PDE12: variants seen among roughly 807,000 people sequenced by gnomAD.
PDE12 encodes the protein phosphodiesterase 12, also known as 2',5'-phosphodiesterase 12.
PDE12 carries 26 observed loss-of-function variants against 45.4 expected under a neutral mutation model. That is an observed-to-expected ratio of 0.57 (90% CI 0.42 to 0.79). PDE12 has a LOEUF of 0.79. PDE12 is among the 30% of genes least tolerant of loss of function. The pLI is 0.00. For synonymous variants in PDE12, 283 were observed against 323.9 expected, an observed-to-expected ratio of 0.87 and a Z score of 1.36; for missense variants, 668 against 790.0, an observed-to-expected ratio of 0.85 and a Z score of 1.85.
At chr3:57,598,802 A>C in the PDE12 span, among the ~76,000 whole-genome samples, 1 of 151,990 alleles carries the variant, frequency 6.6e-6, no homozygotes, top group Non-Finnish European at 1.5e-5. Context: ...ACAACAACAA[A>C]AAAACCCCAA....
At chr3:57,630,716 G>T in the PDE12 span, 1 of 1,611,400 alleles carries the variant, frequency 6.2e-7, no homozygotes, top group Non-Finnish European at 8.5e-7. Context: ...AAGACTAACC[G>T]GTAAAGTCCA....
At chr3:57,646,962 A>AT in the PDE12 span, among the ~76,000 whole-genome samples, 3 of 152,166 alleles carry the variant, frequency 2.0e-5, no homozygotes, top group Non-Finnish European at 4.4e-5. Context: ...AGTGCTGAGT[A>AT]TTTTTACAGC....
At chr3:57,654,413 T>C in the PDE12 span, among the ~76,000 whole-genome samples, 15 of 152,328 alleles carry the variant, frequency 9.8e-5, no homozygotes, top group South Asian at 1.9e-3. Flanking sequence ...CTCTGAAACA[T>C]AGAAACAGCT....
the PDE12 span, among the ~76,000 whole-genome samples, chr3:57,593,735 G>A: frequency 1.3e-5 from 2 of 152,088 alleles, no homozygotes; most frequent in African/African-American, 4.8e-5. Context: ...ACAGAAACCA[G>A]ACTTAAAATA....
chr3:57,575,334 A>G, the PDE12 span, among the ~76,000 whole-genome samples: 19 of 151,466 alleles, frequency 1.3e-4, no homozygotes, highest in South Asian at 4.0e-3. Flanking sequence ...AAAAGAAACT[A>G]TCAATAATCT....
chr3:57,585,916 C>A, the PDE12 span, among the ~76,000 whole-genome samples: 4 of 152,086 alleles, frequency 2.6e-5, no homozygotes, highest in East Asian at 5.8e-4. Context: ...CCCGCCTCAG[C>A]CTCTCAAAGT....
At chr3:57,602,759 C>T in the PDE12 span, among the ~76,000 whole-genome samples, 4 of 151,884 alleles carry the variant, frequency 2.6e-5, no homozygotes, top group Admixed American at 6.6e-5. Context: ...TTAGTAGAGA[C>T]GGTGTTTCAC....
At chr3:57,653,004 C>G in the PDE12 span, among the ~76,000 whole-genome samples, 2 of 152,074 alleles carry the variant, frequency 1.3e-5, no homozygotes, top group Non-Finnish European at 2.9e-5. Context: ...ATTAACTTAT[C>G]AATGTTGATT....
the PDE12 span, among the ~76,000 whole-genome samples, chr3:57,623,368 T>C: frequency 6.6e-6 from 1 of 152,268 alleles, no homozygotes; most frequent in Admixed American, 6.5e-5. Context: ...TCAAGTTTCC[T>C]ACTGAAGTAT....
intron 1 of PDE12, among the ~76,000 whole-genome samples, chr3:57,558,622 C>G (rs2153407434): frequency 6.6e-6 from 1 of 152,184 alleles, no homozygotes; most frequent in South Asian, 2.1e-4. Flanking sequence ...TCCCTAGTAG[C>G]TGGGACTAGA....
the PDE12 span, among the ~76,000 whole-genome samples, chr3:57,608,834 C>G: frequency 6.6e-6 from 1 of 152,122 alleles, no homozygotes; most frequent in South Asian, 2.1e-4. Flanking sequence ...ATCAATGAGA[C>G]AGGAAGTTAA....
In PDE12 at chr3:57,556,844, C is replaced by T. The variant is rs1261351541; in HGVS notation, c.465C>T (p.Tyr155=). The part of the protein sequence containing the change: ...GAVLQIGDVK[Y]KVERNPPAFT... ...TGCTGCAGATCGGCGATGTTAAGTA[C>T]AAGGTGGAGCGCAACCCGCCCGCCT... The change falls in exon 1 of 3, where the codon TAC becomes TAT. Residue 155 remains tyrosine (Y), a synonymous_variant. Transcript: ENST00000311180. This position sits in a 1 kb window ranked among gnomAD's most constrained non-coding sequence, Gnocchi z 5.0. 6.2e-7 allele frequency: 1 copy of T among 1,614,024 alleles called. No individual in the cohort carries two copies. Among genetic ancestry groups the T allele is most frequent in the South Asian group, 1.1e-5 (1 of 91,084 alleles).
chr3:57,633,435 G>T, the PDE12 span: 1 of 1,128,180 alleles, frequency 8.9e-7, no homozygotes, highest in Non-Finnish European at 1.3e-6. Flanking sequence ...CAATTGCTAT[G>T]TAAATATACA....
the PDE12 span, among the ~76,000 whole-genome samples, chr3:57,607,267 G>T: frequency 6.6e-6 from 1 of 152,080 alleles, no homozygotes; most frequent in Non-Finnish European, 1.5e-5. Flanking sequence ...AAGACCAAAG[G>T]TAGATAAAAC....
At chr3:57,589,297 G>A in the PDE12 span, among the ~76,000 whole-genome samples, 1 of 151,314 alleles carries the variant, frequency 6.6e-6, no homozygotes, top group Admixed American at 6.6e-5. Context: ...GCAGGGTGGT[G>A]CCCATCTATA....
At chr3:57,559,522 C>T in intron 2 of PDE12, 40 bp from the exon 3 acceptor site, 1 of 1,567,752 alleles carries the variant, frequency 6.4e-7, no homozygotes, top group Non-Finnish European at 8.6e-7. Context: ...TTAAAGACAA[C>T]TTTAAAAAAT....
At chr3:57,612,511 G>A in the PDE12 span, among the ~76,000 whole-genome samples, 1 of 152,106 alleles carries the variant, frequency 6.6e-6, no homozygotes, top group Non-Finnish European at 1.5e-5. Context: ...GGTGGCTCAT[G>A]CCTGTAATCC....
At chr3:57,616,386 GAGA>G in the PDE12 span, among the ~76,000 whole-genome samples, 1 of 113,590 alleles carries the variant, frequency 8.8e-6, no homozygotes, top group African/African-American at 3.1e-5. Context: ...GGGGGAGGAG[GAGA>G]AGGAGAAGAA....
chr3:57,586,004 G>C, the PDE12 span, among the ~76,000 whole-genome samples: 1 of 152,042 alleles, frequency 6.6e-6, no homozygotes, highest in African/African-American at 2.4e-5. Context: ...GTACAAGTAG[G>C]GAGGAATGTG....
Sources: gnomAD v4.1 joint callset for allele counts (sites outside exome capture counted in the v4.1 genomes callset) on GRCh38, gnomAD v4.1.1 for gene constraint, Gnocchi (gnomAD v3.1) non-coding constraint, MANE v1.5 for transcripts, NCBI Gene and HGNC (gene_info 2026-07-23, HGNC 2026-07-21) for gene names.